SLC9D1: variants seen among roughly 807,000 people sequenced by gnomAD.
The protein encoded by SLC9D1 is solute carrier family 9 member D1.
the SLC9D1 span, among the ~76,000 whole-genome samples, chr13:113,524,588 G>C: frequency 6.6e-6 from 1 of 152,062 alleles, no homozygotes; most frequent in Non-Finnish European, 1.5e-5. Flanking sequence ...TTCCAGCCTC[G>C]GCCTCCCAAA....
chr13:113,547,185 G>T, the SLC9D1 span: 1 of 810,064 alleles, frequency 1.2e-6, no homozygotes, highest in Non-Finnish European at 2.1e-6. Context: ...CACTTGGGAG[G>T]ATTTAGGATT....
chr13:113,500,649 A>C, the SLC9D1 span, among the ~76,000 whole-genome samples: 22 of 152,308 alleles, frequency 1.4e-4, no homozygotes, highest in African/African-American at 4.1e-4. Context: ...AGCTGAGAGC[A>C]TCATGGTTCG....
chr13:113,533,590 T>G, the SLC9D1 span, among the ~76,000 whole-genome samples: 1 of 152,222 alleles, frequency 6.6e-6, no homozygotes, highest in Non-Finnish European at 1.5e-5. Context: ...TTTCTCTGTG[T>G]CTGAATCACA....
the SLC9D1 span, chr13:113,496,030 G>T: frequency 6.3e-7 from 1 of 1,594,190 alleles, no homozygotes; most frequent in African/African-American, 1.3e-5. Context: ...ATAAAGGTCA[G>T]TCCTAGAGAG....
chr13:113,500,210 G>T, the SLC9D1 span: 1 of 1,150,588 alleles, frequency 8.7e-7, no homozygotes, highest in South Asian at 2.8e-5. Flanking sequence ...GTGTCAGTAT[G>T]ACCGAGCTTT....
At chr13:113,507,425 G>A in the SLC9D1 span, among the ~76,000 whole-genome samples, 3 of 152,168 alleles carry the variant, frequency 2.0e-5, no homozygotes, top group Non-Finnish European at 4.4e-5. Context: ...CTCCTGCCAC[G>A]TGGGTTAGCT....
the SLC9D1 span, chr13:113,500,043 A>C: frequency 2.5e-6 from 4 of 1,594,302 alleles, no homozygotes; most frequent in African/African-American, 5.4e-5. Context: ...CGAGAAGTGG[A>C]GGATGACTTG....
At chr13:113,537,552 C>T in the SLC9D1 span, among the ~76,000 whole-genome samples, 4 of 152,224 alleles carry the variant, frequency 2.6e-5, no homozygotes, top group Admixed American at 6.5e-5. Context: ...GTTTGTGACT[C>T]GCCTTTTCAC....
the SLC9D1 span, chr13:113,498,727 A>T: frequency 2.3e-6 from 1 of 437,144 alleles, no homozygotes; most frequent in East Asian, 4.8e-5. Context: ...TTTAACACCG[A>T]CAGTCAGTTC....
At chr13:113,533,645 G>C in the SLC9D1 span, among the ~76,000 whole-genome samples, 1 of 152,206 alleles carries the variant, frequency 6.6e-6, no homozygotes. Context: ...CCTTGCTGAC[G>C]GTCGCTGGAG....
the SLC9D1 span, chr13:113,514,248 C>T: frequency 6.6e-6 from 1 of 151,906 alleles, no homozygotes; most frequent in Non-Finnish European, 1.5e-5. Context: ...TTTTAATAAG[C>T]CACAGGCCAG....
At chr13:113,533,100 G>A in the SLC9D1 span, among the ~76,000 whole-genome samples, 1 of 91,152 alleles carries the variant, frequency 1.1e-5, no homozygotes, top group Non-Finnish European at 2.2e-5. Flanking sequence ...GAAGGACGCT[G>A]CCTCCCTCCT....
the SLC9D1 span, among the ~76,000 whole-genome samples, chr13:113,518,318 TC>T: frequency 6.6e-6 from 1 of 150,916 alleles, no homozygotes; most frequent in Non-Finnish European, 1.5e-5. Flanking sequence ...GGGTGTGGAC[TC>T]GGGGTCCTGC....
At chr13:113,493,781 G>C in the SLC9D1 span, among the ~76,000 whole-genome samples, 2 of 152,082 alleles carry the variant, frequency 1.3e-5, no homozygotes, top group African/African-American at 4.8e-5. Context: ...ACTTTTGCTT[G>C]TAATTCTGAT....
At chr13:113,535,527 C>G in the SLC9D1 span, among the ~76,000 whole-genome samples, 1 of 152,146 alleles carries the variant, frequency 6.6e-6, no homozygotes, top group Admixed American at 6.5e-5. This position sits in a 1 kb window ranked among gnomAD's most constrained non-coding sequence, Gnocchi z 4.1. Flanking sequence ...CAGCTTTATT[C>G]GTATTAGCCA....
the SLC9D1 span, chr13:113,505,863 T>C: frequency 2.0e-5 from 3 of 152,324 alleles, no homozygotes; most frequent in African/African-American, 7.2e-5. Context: ...TTGTTTTCTT[T>C]ATCTTTCTGT....
the SLC9D1 span, among the ~76,000 whole-genome samples, chr13:113,519,247 T>C: frequency 6.6e-6 from 1 of 152,112 alleles, no homozygotes; most frequent in Non-Finnish European, 1.5e-5. Flanking sequence ...GGTTTCACCA[T>C]GTTGGTCAGG....
chr13:113,501,368 A>G, the SLC9D1 span, among the ~76,000 whole-genome samples: 1 of 152,204 alleles, frequency 6.6e-6, no homozygotes, highest in Non-Finnish European at 1.5e-5. Context: ...ATCATAAGTA[A>G]TCTAGAGGTG....
the SLC9D1 span, among the ~76,000 whole-genome samples, chr13:113,508,754 C>T: frequency 2.6e-5 from 4 of 152,350 alleles, no homozygotes; most frequent in African/African-American, 9.6e-5. Context: ...ACAAGCAGGC[C>T]AGCTGGTCAC....
Sources: allele counts gnomAD v4.1 joint callset (sites outside exome capture counted in the v4.1 genomes callset), GRCh38; gene constraint gnomAD v4.1.1; non-coding constraint Gnocchi (gnomAD v3.1); transcripts MANE v1.5; gene names NCBI Gene and HGNC (gene_info 2026-07-23, HGNC 2026-07-21).